The following CTNNA2 variants were observed in gnomAD, a reference collection of about 807,000 sequenced individuals.
CTNNA2 encodes the protein catenin alpha-2.
In CTNNA2, 42 loss-of-function variants were observed where a neutral mutation model predicts 101.0. The ratio of observed to expected loss-of-function variants is 0.42; its 90% CI spans 0.32 to 0.54. The LOEUF is 0.54. CTNNA2 is among the 20% of genes least tolerant of loss of function. The pLI is 0.14. For missense variants in CTNNA2, 871 were observed against 1,223.1 expected (o/e 0.71, Z 4.29); for synonymous variants, 450 against 456.4 (o/e 0.99, Z 0.18).
At chr2:79,565,404 G>T (rs999851081) in intron 1 of CTNNA2, among the ~76,000 whole-genome samples, 1 of 151,972 alleles carries the variant, frequency 6.6e-6, no homozygotes, top group Non-Finnish European at 1.5e-5. Flanking sequence ...CCACCCCAGT[G>T]CACACTCCTC....
intron 7 of CTNNA2, among the ~76,000 whole-genome samples, chr2:80,145,051 C>T (rs985474839): frequency 1.1e-4 from 16 of 152,182 alleles, no homozygotes; most frequent in African/African-American, 3.9e-4. Flanking sequence ...CCACTGCTCT[C>T]TGTCAATCAC....
chr2:80,523,661 G>A (rs1289687795), intron 9 of CTNNA2, among the ~76,000 whole-genome samples: 1 of 152,162 alleles, frequency 6.6e-6, no homozygotes, highest in African/African-American at 2.4e-5. Context: ...ACATGGACAT[G>A]CAGCCAGCAG....
At chr2:79,389,028 TA>T (rs1678137738) in intron 4 of CTNNA2, among the ~76,000 whole-genome samples, 1 of 152,178 alleles carries the variant, frequency 6.6e-6, no homozygotes, top group East Asian at 1.9e-4. Flanking sequence ...AGTTCAAAAT[TA>T]AAAAGAATAG....
chr2:79,503,440 TGACCAAA>T (rs1671346995), intron 4 of CTNNA2, among the ~76,000 whole-genome samples: 7 of 152,192 alleles, frequency 4.6e-5, no homozygotes, highest in African/African-American at 1.7e-4. Flanking sequence ...ACATTGCTTC[TGACCAAA>T]GAACTTATTA....
chr2:80,453,367 G>A (rs1029691630), intron 9 of CTNNA2, among the ~76,000 whole-genome samples: 6 of 151,432 alleles, frequency 4.0e-5, no homozygotes, highest in African/African-American at 1.2e-4. Flanking sequence ...TGTGTTAAGA[G>A]TGTCAGTCTA....
intron 4 of CTNNA2, among the ~76,000 whole-genome samples, chr2:79,497,363 T>C (rs1384579444): frequency 6.6e-6 from 1 of 152,224 alleles, no homozygotes; most frequent in Non-Finnish European, 1.5e-5. Context: ...TCTCAACTCT[T>C]GGCTATTCAT....
chr2:79,529,754 C>G lies in CTNNA2; in HGVS notation c.-6+16547C>G, dbSNP rs556782178. Among the ~76,000 whole-genome samples, 4 of 151,714 alleles carry G rather than the reference C, an allele frequency of 2.6e-5. No individual in the cohort carries two copies. In the South Asian group the frequency reaches 8.3e-4, roughly 32 times the overall value. On this transcript the variant is annotated intron_variant, in intron 1 of 18. Transcript: ENST00000402739. Reference sequence around the variant, plus strand: ...TTTAGCTTTTGGTTTGGATTTTTAGCCAAAGCATACACAAGCAAAGAGAGG... The same window carrying G: ...TTTAGCTTTTGGTTTGGATTTTTAGGCAAAGCATACACAAGCAAAGAGAGG...
chr2:79,973,082 G>GT (rs917886206), intron 7 of CTNNA2, among the ~76,000 whole-genome samples: 23 of 150,708 alleles, frequency 1.5e-4, no homozygotes, highest in African/African-American at 3.2e-4. Context: ...AAAACAATCC[G>GT]TTTTTTTTTA....
chr2:79,241,975 C>T (rs1003661279), intron 2 of CTNNA2, among the ~76,000 whole-genome samples: 15 of 151,674 alleles, frequency 9.9e-5, no homozygotes, highest in Non-Finnish European at 1.5e-4. Flanking sequence ...GCGCGATCTC[C>T]GCTCACTGCA....
Position 79,796,153 on chromosome 2 carries a change from A to G in CTNNA2, c.298+51571A>G, listed in dbSNP as rs569790693. ...GGGGTACTATAAAGGGGCCCTGGAC[A>G]GGCACCCGTCTTAACACTGTTAGGA... On this transcript the variant is annotated intron_variant, in intron 3 of 18. Coordinates refer to ENST00000402739, the MANE Select transcript of CTNNA2 (RefSeq NM_001282597.3). 2.0e-5 allele frequency among the ~76,000 whole-genome samples: 3 copies of G among 152,324 alleles called. No homozygotes were observed. In the South Asian group the frequency reaches 6.2e-4, roughly 32 times the overall value.
intron 7 of CTNNA2, among the ~76,000 whole-genome samples, chr2:80,075,364 T>C (rs1363574493): frequency 1.3e-5 from 2 of 151,890 alleles, no homozygotes; most frequent in Non-Finnish European, 2.9e-5. Flanking sequence ...TCCAACTTAC[T>C]AGCCATTTCA....
chr2:79,881,692 A>G (rs1683438560), intron 6 of CTNNA2, among the ~76,000 whole-genome samples: 1 of 151,188 alleles, frequency 6.6e-6, no homozygotes, highest in Non-Finnish European at 1.5e-5. Context: ...TTTTGAGCCT[A>G]TGTGTGTCTT....
chr2:80,215,811 C>A (rs898735112), intron 7 of CTNNA2, among the ~76,000 whole-genome samples: 1 of 152,212 alleles, frequency 6.6e-6, no homozygotes, highest in Non-Finnish European at 1.5e-5. Context: ...ACATTTAAGT[C>A]TGCAGAAGTT....
chr2:79,840,814 G>T (rs1249760106), intron 3 of CTNNA2, among the ~76,000 whole-genome samples: 3 of 150,204 alleles, frequency 2.0e-5, no homozygotes, highest in African/African-American at 7.4e-5. Flanking sequence ...GCCCAGGCCG[G>T]ACTGCAGTGG....
chr2:80,546,613 A>G (rs1234374696), intron 11 of CTNNA2, among the ~76,000 whole-genome samples: 1 of 152,222 alleles, frequency 6.6e-6, no homozygotes, highest in Non-Finnish European at 1.5e-5. Flanking sequence ...AGTGAAAGAA[A>G]ATAGAACTGC....
At chr2:80,021,076 A>C (rs1057044672) in intron 7 of CTNNA2, among the ~76,000 whole-genome samples, 2 of 135,438 alleles carry the variant, frequency 1.5e-5, no homozygotes, top group African/African-American at 2.9e-5. Context: ...ATCTTGGCTC[A>C]CTGCATGATC....
intron 7 of CTNNA2, among the ~76,000 whole-genome samples, chr2:80,294,656 T>A (rs1421240530): frequency 6.6e-6 from 1 of 152,060 alleles, no homozygotes; most frequent in South Asian, 2.1e-4. Flanking sequence ...ATAATAATAA[T>A]AAAAATAATT....
At chr2:80,252,010 T>G (rs1486646663) in intron 7 of CTNNA2, among the ~76,000 whole-genome samples, 2 of 152,228 alleles carry the variant, frequency 1.3e-5, no homozygotes, top group Non-Finnish European at 2.9e-5. Flanking sequence ...TGCAAATTGT[T>G]AAATTTTGTT....
At chr2:80,132,823 A>G (rs73940959) in intron 7 of CTNNA2, among the ~76,000 whole-genome samples, 4,756 of 152,292 alleles carry the variant, frequency 0.031, 231 homozygotes, top group African/African-American at 0.11. Context: ...AAAAGAAAAA[A>G]TAAGTGATTT....
Sources: gnomAD v4.1 joint callset for allele counts (sites outside exome capture counted in the v4.1 genomes callset) on GRCh38, gnomAD v4.1.1 for gene constraint, MANE v1.5 for transcripts, NCBI Gene and HGNC (gene_info 2026-07-23, HGNC 2026-07-21) for gene names.